The following CADPS variants were observed in gnomAD, a reference collection of about 807,000 sequenced individuals.
The protein encoded by CADPS is calcium dependent secretion activator, also known as calcium-dependent secretion activator 1.
A neutral mutation model predicts 167.3 loss-of-function variants in CADPS; 57 were observed. The observed-to-expected ratio is 0.34, with a 90% CI of 0.28 to 0.42. The LOEUF (loss-of-function observed/expected upper bound fraction) is 0.42, where lower values mean the gene tolerates loss of function less well. Ranked by LOEUF, CADPS falls within the 20% of genes least tolerant of loss-of-function variation. The pLI, the probability that CADPS is intolerant of heterozygous loss-of-function variation, is 1.00. For missense variants in CADPS, 1,414 were observed against 1,738.1 expected (o/e 0.81, Z 3.32); for synonymous variants, 676 against 635.3 (o/e 1.06, Z -0.96).
At chr3:62,730,675 A>G (rs1292299144) in intron 3 of CADPS, among the ~76,000 whole-genome samples, 2 of 152,188 alleles carry the variant, frequency 1.3e-5, no homozygotes, top group Non-Finnish European at 2.9e-5. Flanking sequence ...GAGACCAGAC[A>G]CTGCAGGAGA....
intron 3 of CADPS, among the ~76,000 whole-genome samples, chr3:62,731,154 A>C (rs1307055257): frequency 6.6e-6 from 1 of 152,188 alleles, no homozygotes; most frequent in East Asian, 1.9e-4. Flanking sequence ...ATGGCCCTGA[A>C]GTTTTGATTT....
chr3:62,628,513 G>C (rs779816414), intron 6 of CADPS, among the ~76,000 whole-genome samples: 2 of 151,874 alleles, frequency 1.3e-5, no homozygotes, highest in Non-Finnish European at 2.9e-5. Context: ...GCAACTGTCT[G>C]GTTGCTCAGC....
intron 1 of CADPS, among the ~76,000 whole-genome samples, chr3:62,776,930 C>G (rs2090449980): frequency 6.6e-6 from 1 of 152,022 alleles, no homozygotes; most frequent in Non-Finnish European, 1.5e-5. Context: ...ACTGTGGGAC[C>G]TTCTTGGAGG....
At chr3:62,699,926 G>A (rs2081085893) in intron 3 of CADPS, among the ~76,000 whole-genome samples, 1 of 152,010 alleles carries the variant, frequency 6.6e-6, no homozygotes, top group Admixed American at 6.6e-5. Flanking sequence ...GGCTGCTTTT[G>A]TGCTATAAAA....
chr3:62,609,010 T>C lies in CADPS; in HGVS notation c.1326-16262A>G, dbSNP rs1301056488. ...CCTTTATCTCAGTCCCAAGGAGACA[T>C]AGACGTAAGCGAGGGTAGGTTCAAC... is the stretch of plus-strand genomic sequence containing the variant. On this transcript the variant is annotated intron_variant, in intron 6 of 29. Transcript: ENST00000383710. Among the ~76,000 whole-genome samples, 10 of 152,288 alleles carry C rather than the reference T, an allele frequency of 6.6e-5. No individual in the cohort carries two copies. The Middle Eastern group carries it at 0.01, about 155-fold the overall frequency.
At chr3:62,834,742 C>T (rs952273556) in intron 1 of CADPS, among the ~76,000 whole-genome samples, 1 of 152,174 alleles carries the variant, frequency 6.6e-6, no homozygotes, top group Non-Finnish European at 1.5e-5. Context: ...ATTTGCTCCT[C>T]CTTTCTGTCT....
At chr3:62,532,715 C>G (rs947300500) in intron 13 of CADPS, among the ~76,000 whole-genome samples, 156 bp downstream of exon 13, 1 of 66,074 alleles carries the variant, frequency 1.5e-5, no homozygotes, top group Non-Finnish European at 3.1e-5. Flanking sequence ...AGTTAGTGCC[C>G]TTTGTGTGTG....
intron 9 of CADPS, among the ~76,000 whole-genome samples, chr3:62,565,139 G>A (rs781280808): frequency 6.6e-6 from 1 of 152,042 alleles, no homozygotes; most frequent in East Asian, 1.9e-4. Context: ...CAATGTGTTT[G>A]GTTCTCACCA....
chr3:62,431,864 A>G (rs1373562062), intron 28 of CADPS, among the ~76,000 whole-genome samples: 1 of 150,958 alleles, frequency 6.6e-6, no homozygotes, highest in East Asian at 1.9e-4. Flanking sequence ...AGTACATTAT[A>G]TATATATATA....
At chr3:62,809,485 A>T (rs2094289379) in intron 1 of CADPS, among the ~76,000 whole-genome samples, 1 of 152,152 alleles carries the variant, frequency 6.6e-6, no homozygotes, top group African/African-American at 2.4e-5. Flanking sequence ...ATTTGCCAGG[A>T]ATACTCATTC....
At chr3:62,594,222 C>A (rs1450229099) in intron 6 of CADPS, among the ~76,000 whole-genome samples, 2 of 146,564 alleles carry the variant, frequency 1.4e-5, no homozygotes, top group African/African-American at 5.0e-5. Flanking sequence ...AGTGCAGTGG[C>A]GGGATCTCGG....
chr3:62,489,877 G>A (rs747804377), intron 21 of CADPS, among the ~76,000 whole-genome samples: 1 of 152,028 alleles, frequency 6.6e-6, no homozygotes. Flanking sequence ...TTACCATCAA[G>A]GGATCCAGTT....
At chr3:62,864,551 G>C (rs551972194) in intron 1 of CADPS, among the ~76,000 whole-genome samples, 12 of 152,138 alleles carry the variant, frequency 7.9e-5, no homozygotes, top group Non-Finnish European at 1.8e-4. Flanking sequence ...GACAATCTTT[G>C]GTGTTCCTTG....
At position 62,438,406 on chromosome 3, in the gene CADPS, A is replaced by G. The variant is rs76273863; in HGVS notation, c.3670-195T>C. The G allele has an allele frequency of 1.0e-3, 528 of 519,006 alleles. 2 individuals are homozygous for G. The highest frequency in any genetic ancestry group is 9.6e-3 in the African/African-American group (495 of 51,490). 32.2% of individuals were successfully genotyped at this position (519,006 alleles called of 1,614,324 possible). ...TTAGAACTGCTTCCTCTTTCCAGAA[A>G]TCAAGCCTGGCTAAGAAGGGCATTG... On this transcript the variant is annotated intron_variant, in intron 27 of 29. Transcript: ENST00000383710. This position sits in a 1 kb window ranked among gnomAD's most constrained non-coding sequence, Gnocchi z 4.7.
intron 10 of CADPS, among the ~76,000 whole-genome samples, chr3:62,555,458 C>T (rs1416853619): frequency 1.3e-5 from 2 of 152,192 alleles, no homozygotes; most frequent in Non-Finnish European, 2.9e-5. Flanking sequence ...ACTGCAAGTG[C>T]CAAAGCGTGA....
rs116424824 is a variant in CADPS, at chr3:62,717,494, C to T, written c.888+35947G>A. ...TCCAAACCGGTTCCTTTCTCATCTT[C>T]GAAAATAACACCTACATTCAACCCA... On this transcript the variant is annotated intron_variant, in intron 3 of 29. Transcript: ENST00000383710. Among the ~76,000 whole-genome samples, 430 of 152,246 alleles carry T rather than the reference C, an allele frequency of 2.8e-3. 2 individuals carry two copies. Among genetic ancestry groups the T allele is most frequent in the African/African-American group, 1.0e-2 (415 of 41,534 alleles).
intron 6 of CADPS, among the ~76,000 whole-genome samples, chr3:62,622,021 G>A (rs968657956): frequency 1.0e-3 from 155 of 151,298 alleles, no homozygotes; most frequent in African/African-American, 3.6e-3. Flanking sequence ...CAAGTTTCAC[G>A]TCCTCTGTGC....
intron 1 of CADPS, among the ~76,000 whole-genome samples, chr3:62,781,714 C>T (rs1282177883): frequency 6.6e-6 from 1 of 152,046 alleles, no homozygotes; most frequent in African/African-American, 2.4e-5. Flanking sequence ...TGATCTGAGA[C>T]GCCCCATGGA....
At chr3:62,773,155 T>G (rs2089362391) in intron 1 of CADPS, among the ~76,000 whole-genome samples, 1 of 152,002 alleles carries the variant, frequency 6.6e-6, no homozygotes, top group Non-Finnish European at 1.5e-5. Flanking sequence ...CTTCAAAAAT[T>G]TATATTGGGC....
Sources: gnomAD v4.1 joint callset for allele counts (sites outside exome capture counted in the v4.1 genomes callset) on GRCh38, gnomAD v4.1.1 for gene constraint, Gnocchi (gnomAD v3.1) non-coding constraint, MANE v1.5 for transcripts, NCBI Gene and HGNC (gene_info 2026-07-23, HGNC 2026-07-21) for gene names.